Variants in NKAIN3 observed in about 807,000 individuals in gnomAD.
NKAIN3 encodes the protein sodium/potassium transporting ATPase interacting 3, also known as sodium/potassium-transporting ATPase subunit beta-1-interacting protein 3.
NKAIN3 carries 25 observed loss-of-function variants against 30.2 expected under a neutral mutation model. The ratio of observed to expected loss-of-function variants is 0.83; its 90% confidence interval spans 0.60 to 1.16. The LOEUF (loss-of-function observed/expected upper bound fraction) is 1.16, where lower values mean the gene tolerates loss of function less well. Among genes scored for constraint, NKAIN3 ranks in the 50% most tolerant of loss-of-function variants. The probability of loss-of-function intolerance (pLI) is 0.00; values close to 1 mark genes in which losing one functional copy is unlikely to be tolerated. For synonymous variants in NKAIN3, 91 were observed against 89.6 expected, an observed-to-expected ratio of 1.02 and a Z score of -0.09; for missense variants, 225 against 254.1, an observed-to-expected ratio of 0.89 and a Z score of 0.78.
In NKAIN3 at chr8:62,522,092, T is replaced by G. The variant is rs1302863839; in HGVS notation, c.55-57447T>G. Among the ~76,000 whole-genome samples the G allele has an allele frequency of 3.9e-5, 6 of 152,116 alleles. No individual in the cohort carries two copies. In the East Asian group the frequency reaches 1.2e-3, roughly 29 times the overall value. ...AGCCTAAAAAGGCGGCAGTCTAGGA[T>G]TTTCTCTGAGGTTAGATCTCATCAT... is the stretch of plus-strand genomic sequence containing the variant. On this transcript the variant is annotated intron_variant, in intron 1 of 6. Coordinates refer to ENST00000623646, the MANE Select transcript of NKAIN3 (RefSeq NM_001304533.3).
chr8:62,463,238 T>C (rs1031229048), intron 1 of NKAIN3, among the ~76,000 whole-genome samples: 1 of 152,164 alleles, frequency 6.6e-6, no homozygotes, highest in African/African-American at 2.4e-5. Context: ...CCATTATAAT[T>C]TGGTTTAAGA....
At chr8:62,812,395 T>C (rs889791685) in intron 4 of NKAIN3, among the ~76,000 whole-genome samples, 1 of 151,914 alleles carries the variant, frequency 6.6e-6, no homozygotes, top group Admixed American at 6.6e-5. Flanking sequence ...AAAAATTGCA[T>C]CAAATCTACA....
At chr8:62,269,488 A>G (rs1269847782) in intron 1 of NKAIN3, among the ~76,000 whole-genome samples, 2 of 152,114 alleles carry the variant, frequency 1.3e-5, no homozygotes, top group Admixed American at 6.6e-5. Context: ...CTGCTGAGCT[A>G]GGTATACAAT....
chr8:62,583,376 A>T (rs1810364727), intron 2 of NKAIN3, among the ~76,000 whole-genome samples: 1 of 152,084 alleles, frequency 6.6e-6, no homozygotes, highest in South Asian at 2.1e-4. Context: ...GCTCATCTTG[A>T]TGGTCTCTTT....
At chr8:62,683,475 T>C (rs1350090039) in intron 3 of NKAIN3, among the ~76,000 whole-genome samples, 1 of 152,198 alleles carries the variant, frequency 6.6e-6, no homozygotes, top group Non-Finnish European at 1.5e-5. Flanking sequence ...TATTATTAGC[T>C]CTTTATGTGC....
chr8:62,443,059 A>G (rs1189838170), intron 1 of NKAIN3, among the ~76,000 whole-genome samples: 2 of 151,950 alleles, frequency 1.3e-5, no homozygotes, highest in Non-Finnish European at 2.9e-5. Flanking sequence ...TCCTTGTCTG[A>G]TATAAAATTA....
intron 1 of NKAIN3, among the ~76,000 whole-genome samples, chr8:62,551,347 T>C (rs2957799): frequency 0.35 from 52,644 of 151,902 alleles, 9,359 homozygotes; most frequent in African/African-American, 0.43. Context: ...TTTTGTTTTG[T>C]TTTTGGTCTT....
chr8:62,766,434 T>G (rs1816841737), intron 4 of NKAIN3, among the ~76,000 whole-genome samples: 1 of 152,200 alleles, frequency 6.6e-6, no homozygotes, highest in East Asian at 1.9e-4. Flanking sequence ...CCCCTCTGTA[T>G]TTTGATTCTC....
At chr8:62,813,786 G>A (rs1387923409) in intron 4 of NKAIN3, among the ~76,000 whole-genome samples, 1 of 151,956 alleles carries the variant, frequency 6.6e-6, no homozygotes, top group Non-Finnish European at 1.5e-5. Context: ...AGTAGACAAT[G>A]TATTTTTGCT....
chr8:62,680,096 T>C (rs930046415), intron 3 of NKAIN3, among the ~76,000 whole-genome samples: 5 of 152,152 alleles, frequency 3.3e-5, no homozygotes, highest in Non-Finnish European at 7.4e-5. Context: ...TTGCTGACTC[T>C]GAAGGTGAAG....
intron 1 of NKAIN3, among the ~76,000 whole-genome samples, chr8:62,380,031 T>C (rs1036498580): frequency 2.0e-5 from 3 of 152,186 alleles, no homozygotes; most frequent in Non-Finnish European, 4.4e-5. Flanking sequence ...TAAGGAAAAG[T>C]GCCTTGCAAT....
Position 62,345,523 on chromosome 8 carries a change from G to GTATA in NKAIN3, c.54+96401_54+96404dup, listed in dbSNP as rs1415783200. Among the ~76,000 whole-genome samples, 44 of 72,686 alleles carry GTATA rather than the reference G, an allele frequency of 6.1e-4. 1 individual carries two copies. The highest frequency in any genetic ancestry group is 1.4e-4 in the Non-Finnish European group (5 of 35,736). 47.7% of individuals were successfully genotyped at this position (72,686 alleles called of 152,430 possible). A position where few individuals can be genotyped will look rare whatever the true frequency, so the allele number is the denominator to read the frequency against. The stretch of plus-strand genomic sequence containing the variant: ...TATATACACATATATACACATATAT[G>GTATA]TATATATACACACATATATACACAT... On this transcript the variant is annotated intron_variant, in intron 1 of 6. Coordinates refer to ENST00000623646, the MANE Select transcript of NKAIN3 (RefSeq NM_001304533.3).
At chr8:62,754,697 C>T (rs1816393959) in intron 4 of NKAIN3, among the ~76,000 whole-genome samples, 1 of 152,122 alleles carries the variant, frequency 6.6e-6, no homozygotes, top group South Asian at 2.1e-4. Flanking sequence ...CTGTTCTCTG[C>T]CTTTCATATC....
intron 3 of NKAIN3, among the ~76,000 whole-genome samples, chr8:62,649,373 T>C (rs1361252372): frequency 6.6e-6 from 1 of 152,130 alleles, no homozygotes; most frequent in Non-Finnish European, 1.5e-5. Context: ...CCTCTAAGCA[T>C]AGGGGTGGCC....
intron 4 of NKAIN3, among the ~76,000 whole-genome samples, chr8:62,827,738 C>G (rs1020129705): frequency 6.6e-6 from 1 of 152,068 alleles, no homozygotes; most frequent in African/African-American, 2.4e-5. Context: ...TATAATGAAG[C>G]TCTATGTATC....
rs576718979 is a variant in NKAIN3, at chr8:62,539,039, C to T, written c.55-40500C>T. On this transcript the variant is annotated intron_variant, in intron 1 of 6. Transcript: ENST00000623646. ...GGAGGGTCATTCAGTGTATGTTTGG[C>T]AAATGAATACTTGATATTGGAAGGG... Among the ~76,000 whole-genome samples, 18 of 152,260 alleles carry T rather than the reference C, an allele frequency of 1.2e-4. No individual in the cohort carries two copies. The South Asian group carries it at 3.7e-3, about 32-fold the overall frequency.
At chr8:62,750,595 G>C (rs934431562) in intron 4 of NKAIN3, among the ~76,000 whole-genome samples, 2 of 152,082 alleles carry the variant, frequency 1.3e-5, no homozygotes, top group Non-Finnish European at 2.9e-5. Context: ...GGGAGGCGGC[G>C]GGGGGTGCCA....
chr8:62,619,037 G>T (rs1414110671), intron 3 of NKAIN3, among the ~76,000 whole-genome samples: 1 of 152,170 alleles, frequency 6.6e-6, no homozygotes, highest in Non-Finnish European at 1.5e-5. Flanking sequence ...TGGTGGTAAT[G>T]GTGTTCAGAG....
intron 4 of NKAIN3, among the ~76,000 whole-genome samples, chr8:62,786,870 T>C (rs1817537300): frequency 6.6e-6 from 1 of 152,170 alleles, no homozygotes; most frequent in Non-Finnish European, 1.5e-5. Context: ...TGAATGCAGT[T>C]GTCAGTGCTT....
Sources: allele counts gnomAD v4.1 joint callset (sites outside exome capture counted in the v4.1 genomes callset), GRCh38; gene constraint gnomAD v4.1.1; transcripts MANE v1.5; gene names NCBI Gene and HGNC (gene_info 2026-07-23, HGNC 2026-07-21).